CDYL: variants seen among roughly 807,000 people sequenced by gnomAD.
CDYL encodes chromodomain Y like, also known as chromodomain Y-like protein.
A neutral mutation model predicts 47.3 loss-of-function variants in CDYL; 8 were observed. The ratio of observed to expected loss-of-function variants is 0.17; its 90% CI spans 0.10 to 0.31. CDYL has a LOEUF of 0.31. Among genes scored for constraint, CDYL ranks in the 10% least tolerant of loss-of-function variants. The pLI, the probability that CDYL is intolerant of heterozygous loss-of-function variation, is 1.00. For synonymous variants in CDYL, 266 were observed against 265.0 expected, an observed-to-expected ratio of 1.00 and a Z score of -0.04; for missense variants, 471 against 701.4, an observed-to-expected ratio of 0.67 and a Z score of 3.71.
At chr6:4,859,815 A>C (rs1372206123) in intron 1 of CDYL, among the ~76,000 whole-genome samples, 2 of 152,154 alleles carry the variant, frequency 1.3e-5, no homozygotes, top group Non-Finnish European at 2.9e-5. Context: ...GCAGGCAGAC[A>C]GCTCTGAGTG....
At chr6:4,842,999 G>A (rs1407390452) in intron 1 of CDYL, among the ~76,000 whole-genome samples, 1 of 152,092 alleles carries the variant, frequency 6.6e-6, no homozygotes, top group Non-Finnish European at 1.5e-5. Context: ...GCGCTGGCTT[G>A]GTATTGGCAG....
intron 2 of CDYL, among the ~76,000 whole-genome samples, chr6:4,722,790 T>C (rs1000490276): frequency 8.5e-5 from 13 of 152,232 alleles, no homozygotes; most frequent in African/African-American, 1.9e-4. Flanking sequence ...GGCATGACAA[T>C]TGCTTGAACC....
intron 1 of CDYL, among the ~76,000 whole-genome samples, chr6:4,847,806 AGCCAAGGTAGG>A (rs912274691): frequency 6.6e-6 from 1 of 152,222 alleles, no homozygotes; most frequent in African/African-American, 2.4e-5. Context: ...GTCTCCCTAC[AGCCAAGGTAGG>A]GCTCAACAAA....
chr6:4,851,107 C>T (rs747629392), intron 1 of CDYL, among the ~76,000 whole-genome samples: 2 of 152,136 alleles, frequency 1.3e-5, no homozygotes, highest in Admixed American at 6.5e-5. Context: ...TTGGCCTACA[C>T]GTTCCCTTTC....
At chr6:4,792,507 C>T (rs750099661) in intron 1 of CDYL, among the ~76,000 whole-genome samples, 12 of 151,442 alleles carry the variant, frequency 7.9e-5, no homozygotes, top group Non-Finnish European at 1.5e-4. Context: ...TCTCCGCTCA[C>T]GGTAACCTCC....
At chr6:4,718,245 G>A (rs1188491404) in intron 2 of CDYL, among the ~76,000 whole-genome samples, 1 of 151,386 alleles carries the variant, frequency 6.6e-6, no homozygotes, top group Admixed American at 6.6e-5. Flanking sequence ...TTTTAAGAAT[G>A]CCCAGTTTTT....
intron 1 of CDYL, among the ~76,000 whole-genome samples, chr6:4,851,585 G>A (rs772436681): frequency 1.3e-5 from 2 of 152,152 alleles, no homozygotes; most frequent in Non-Finnish European, 2.9e-5. Flanking sequence ...TTGCTCGGCC[G>A]TTTGTGAGGG....
chr6:4,738,289 A>T (rs1258727716), intron 3 of CDYL, among the ~76,000 whole-genome samples: 1 of 152,184 alleles, frequency 6.6e-6, no homozygotes, highest in Non-Finnish European at 1.5e-5. Context: ...AGGCACAAGA[A>T]TCATTTGAAC....
intron 2 of CDYL, among the ~76,000 whole-genome samples, chr6:4,720,129 A>C (rs1757341143): frequency 6.6e-6 from 1 of 152,222 alleles, no homozygotes. Flanking sequence ...TCCTGGGAAA[A>C]TCTGGGATCT....
intron 2 of CDYL, among the ~76,000 whole-genome samples, chr6:4,931,195 G>T (rs1306524622): frequency 6.6e-6 from 1 of 152,224 alleles, no homozygotes; most frequent in African/African-American, 2.4e-5. Flanking sequence ...TGTATGCACT[G>T]GGGATGGGTG....
chr6:4,746,938 C>G (rs1325073217), intron 3 of CDYL, among the ~76,000 whole-genome samples: 1 of 152,186 alleles, frequency 6.6e-6, no homozygotes, highest in African/African-American at 2.4e-5. Context: ...ACCCCAATCC[C>G]CATCCTAAAT....
At chr6:4,708,754 C>A (rs1015818190) in intron 1 of CDYL, among the ~76,000 whole-genome samples, 1 of 152,180 alleles carries the variant, frequency 6.6e-6, no homozygotes, top group Non-Finnish European at 1.5e-5. Context: ...CACAGTGGCT[C>A]ACACCTGTAA....
At chr6:4,779,433 G>A (rs562670286) in intron 1 of CDYL, among the ~76,000 whole-genome samples, 26 of 152,192 alleles carry the variant, frequency 1.7e-4, no homozygotes, top group Non-Finnish European at 3.4e-4. Context: ...CAACTGCTGA[G>A]CCTTGGTTTT....
chr6:4,831,269 AG>A (rs1204930406), intron 1 of CDYL, among the ~76,000 whole-genome samples: 1 of 152,150 alleles, frequency 6.6e-6, no homozygotes, highest in East Asian at 1.9e-4. Flanking sequence ...GGTGTAAGGA[AG>A]GGATCCAGTT....
At chr6:4,777,023 T>TG (rs1250362537) in intron 1 of CDYL, among the ~76,000 whole-genome samples, 11,313 of 67,224 alleles carry the variant, frequency 0.17, 558 homozygotes, top group South Asian at 0.2. Context: ...GGGCGTGGGG[T>TG]GGGGGGGGGG....
intron 2 of CDYL, among the ~76,000 whole-genome samples, chr6:4,718,174 A>G (rs1013754524): frequency 6.6e-6 from 1 of 152,104 alleles, no homozygotes; most frequent in Admixed American, 6.6e-5. Context: ...GACATTTGCA[A>G]TAACAGATTA....
chr6:4,857,695 C>A (rs1027681487), intron 1 of CDYL, among the ~76,000 whole-genome samples: 1 of 152,184 alleles, frequency 6.6e-6, no homozygotes, highest in Non-Finnish European at 1.5e-5. Context: ...TGGATCTCTT[C>A]TGTCTGTTTC....
chr6:4,824,198 CA>C (rs1561655295), intron 1 of CDYL, among the ~76,000 whole-genome samples: 1 of 152,044 alleles, frequency 6.6e-6, no homozygotes, highest in African/African-American at 2.4e-5. Context: ...TTGATAATTC[CA>C]GTATATAATT....
chr6:4,937,830 TA>T (rs3835303), intron 4 of CDYL, 93 bp downstream of exon 4: 50,556 of 929,502 alleles, frequency 0.054, 1,624 homozygotes, highest in South Asian at 0.085. Context: ...GCCTTGAGAA[TA>T]AGATACACAT....
Sources: gnomAD v4.1 joint callset for allele counts (sites outside exome capture counted in the v4.1 genomes callset) on GRCh38, gnomAD v4.1.1 for gene constraint, MANE v1.5 for transcripts, NCBI Gene and HGNC (gene_info 2026-07-23, HGNC 2026-07-21) for gene names.